Variants in ZC3H12B observed in about 807,000 individuals in gnomAD.
ZC3H12B encodes the protein zinc finger CCCH-type containing 12B.
Under a neutral mutation model 43.9 loss-of-function variants are expected in ZC3H12B, and 7 were observed. That is an observed-to-expected ratio of 0.16 (90% CI 0.09 to 0.30). ZC3H12B has a LOEUF of 0.30. Ranked by LOEUF, ZC3H12B falls within the 10% of genes least tolerant of loss-of-function variation. The pLI is 1.00. For missense variants in ZC3H12B, 475 were observed against 670.2 expected, an observed-to-expected ratio of 0.71 and a Z score of 3.22; for synonymous variants, 222 against 241.7, an observed-to-expected ratio of 0.92 and a Z score of 0.76.
the ZC3H12B span, among the ~76,000 whole-genome samples, chrX:65,047,329 C>T: frequency 9.0e-6 from 1 of 111,447 alleles, no homozygotes; most frequent in African/African-American, 3.3e-5. Flanking sequence ...CTCACCTAGC[C>T]CACTTCATTA....
At chrX:65,138,651 G>A in the ZC3H12B span, among the ~76,000 whole-genome samples, 32 of 111,168 alleles carry the variant, frequency 2.9e-4, no homozygotes, top group Admixed American at 4.8e-4. Flanking sequence ...TTAATTTTTC[G>A]AAGAACCTCC....
chrX:65,298,607 C>A, the ZC3H12B span, among the ~76,000 whole-genome samples: 1 of 110,795 alleles, frequency 9.0e-6, no homozygotes, highest in Non-Finnish European at 1.9e-5. Context: ...GGGTATATAC[C>A]CAAAGGAAAT....
chrX:65,175,095 T>A, the ZC3H12B span, among the ~76,000 whole-genome samples: 1 of 111,491 alleles, frequency 9.0e-6, no homozygotes, highest in African/African-American at 3.3e-5. Context: ...CTGGGCCAGA[T>A]AGCACAGTTC....
At chrX:65,187,762 C>A in the ZC3H12B span, among the ~76,000 whole-genome samples, 1 of 108,593 alleles carries the variant, frequency 9.2e-6, no homozygotes, top group Admixed American at 1.0e-4. Flanking sequence ...CATTAGAATA[C>A]ATGGGGTATC....
At chrX:65,147,105 G>A in the ZC3H12B span, among the ~76,000 whole-genome samples, 351 of 111,936 alleles carry the variant, frequency 3.1e-3, 1 homozygote, top group Non-Finnish European at 5.6e-3. Context: ...TCCTTTTATG[G>A]AATTTGAGTT....
At chrX:65,225,184 G>C in the ZC3H12B span, among the ~76,000 whole-genome samples, 6 of 111,870 alleles carry the variant, frequency 5.4e-5, 1 homozygote, top group African/African-American at 2.0e-4. Context: ...AAAACTTCCA[G>C]AGGAATGATC....
chrX:65,274,457 C>A, the ZC3H12B span, among the ~76,000 whole-genome samples: 1 of 110,542 alleles, frequency 9.0e-6, no homozygotes, highest in African/African-American at 3.3e-5. Flanking sequence ...CTGAATGTCA[C>A]AACCCCAGCT....
chrX:65,335,860 C>A, the ZC3H12B span, among the ~76,000 whole-genome samples: 3 of 111,880 alleles, frequency 2.7e-5, no homozygotes, highest in African/African-American at 9.7e-5. Context: ...GAAAGTACCA[C>A]GAAATCATTT....
intron 1 of ZC3H12B, among the ~76,000 whole-genome samples, chrX:65,367,154 C>T (rs1420715612): frequency 2.7e-5 from 3 of 111,681 alleles, no homozygotes; most frequent in African/African-American, 9.8e-5. Flanking sequence ...CTTGGCTACC[C>T]ACAAAGATAT....
chrX:65,272,112 G>A, the ZC3H12B span: 6 of 109,747 alleles, frequency 5.5e-5, no homozygotes, highest in African/African-American at 2.0e-4. Context: ...TACTCAGGAG[G>A]CTGAGGCAGG....
chrX:65,405,085 A>T (rs1332903904), intron 3 of ZC3H12B, among the ~76,000 whole-genome samples: 1 of 112,284 alleles, frequency 8.9e-6, no homozygotes, highest in Non-Finnish European at 1.9e-5. Context: ...AAGTTAAACA[A>T]TATGTTCCTG....
At chrX:65,131,695 ATTG>A in the ZC3H12B span, among the ~76,000 whole-genome samples, 3 of 111,458 alleles carry the variant, frequency 2.7e-5, no homozygotes, top group African/African-American at 6.5e-5. Context: ...AAGGAAAGGA[ATTG>A]TTGTTTTGTA....
At chrX:65,058,492 G>T in the ZC3H12B span, among the ~76,000 whole-genome samples, 1 of 112,205 alleles carries the variant, frequency 8.9e-6, no homozygotes, top group Non-Finnish European at 1.9e-5. Flanking sequence ...CTGTACTCGG[G>T]GGTGCCTCCC....
the ZC3H12B span, among the ~76,000 whole-genome samples, chrX:65,206,582 C>A: frequency 9.0e-6 from 1 of 111,690 alleles, no homozygotes; most frequent in South Asian, 3.7e-4. Context: ...TCAGAAAAAT[C>A]CTTCTGGACA....
intron 3 of ZC3H12B, among the ~76,000 whole-genome samples, chrX:65,459,401 C>CA (rs1033321080): frequency 8.1e-5 from 9 of 111,199 alleles, no homozygotes; most frequent in African/African-American, 2.6e-4. Context: ...AGAGACACAA[C>CA]AAAAAAACGG....
At chrX:65,045,050 T>C in the ZC3H12B span, among the ~76,000 whole-genome samples, 1 of 111,471 alleles carries the variant, frequency 9.0e-6, no homozygotes, top group Non-Finnish European at 1.9e-5. Context: ...ATCTTAATTC[T>C]TTTAATTAAG....
exon 5 of ZC3H12B, chrX:65,502,124 C>G (rs375421440): frequency 1.7e-6 from 2 of 1,209,583 alleles, no homozygotes; most frequent in Admixed American, 4.4e-5. Context: ...CACAATCCCA[C>G]CCCCCAAAAG....
the ZC3H12B span, among the ~76,000 whole-genome samples, chrX:65,228,121 G>T: frequency 9.0e-6 from 1 of 111,731 alleles, no homozygotes; most frequent in African/African-American, 3.3e-5. Flanking sequence ...GAACATTGAT[G>T]CAAAAATCCT....
intron 2 of ZC3H12B, among the ~76,000 whole-genome samples, chrX:65,392,711 C>A (rs1258246916): frequency 8.9e-6 from 1 of 112,882 alleles, no homozygotes; most frequent in Non-Finnish European, 1.9e-5. Context: ...AAGTGAGGAG[C>A]CCCTCTGCCT....
Sources: gnomAD v4.1 joint callset for allele counts (sites outside exome capture counted in the v4.1 genomes callset) on GRCh38, gnomAD v4.1.1 for gene constraint, MANE v1.5 for transcripts, NCBI Gene and HGNC (gene_info 2026-07-23, HGNC 2026-07-21) for gene names.